The following ERC1 variants were observed in gnomAD, a reference collection of about 807,000 sequenced individuals.
ERC1 encodes the protein ELKS/RAB6-interacting/CAST family member 1.
A neutral mutation model predicts 132.0 loss-of-function variants in ERC1; 56 were observed. The observed-to-expected ratio is 0.42, with a 90% confidence interval of 0.34 to 0.53. The LOEUF is 0.53. Among genes scored for constraint, ERC1 ranks in the 20% least tolerant of loss-of-function variants. The pLI is 0.03. For synonymous variants in ERC1, 478 were observed against 476.1 expected, an observed-to-expected ratio of 1.00 and a Z score of -0.05; for missense variants, 1,202 against 1,349.9, an observed-to-expected ratio of 0.89 and a Z score of 1.72.
In ERC1 at chr12:1,077,800, T is replaced by C. The variant is rs139097788; in HGVS notation, c.670-5364T>C. ...ATGCCCATTTTATCTTCTGTATGAA[T>C]ATGCTGGAGAAAGAGTAGCCTTGCT... On this transcript the variant is annotated intron_variant, in intron 2 of 18. Transcript: ENST00000360905. Among the ~76,000 whole-genome samples the C allele has an allele frequency of 6.2e-3, 944 of 152,300 alleles. 11 individuals carry two copies. The highest frequency in any genetic ancestry group is 0.021 in the African/African-American group (870 of 41,586).
intron 18 of ERC1, among the ~76,000 whole-genome samples, chr12:1,452,504 G>A (rs1408344738): frequency 6.6e-6 from 1 of 152,046 alleles, no homozygotes; most frequent in East Asian, 1.9e-4. Flanking sequence ...GAAAATTCTT[G>A]GCCATTATCT....
intron 7 of ERC1, among the ~76,000 whole-genome samples, chr12:1,127,758 A>G (rs1481326055): frequency 1.3e-5 from 2 of 152,214 alleles, no homozygotes. Context: ...ACATATTAGA[A>G]TAGCTGCATA....
intron 13 of ERC1, among the ~76,000 whole-genome samples, chr12:1,242,954 G>A (rs971318230): frequency 1.8e-4 from 28 of 152,178 alleles, no homozygotes; most frequent in Admixed American, 5.9e-4. Context: ...TTGGGAGGCC[G>A]AGGCGGGTGG....
At chr12:1,264,759 A>G (rs762526969) in intron 14 of ERC1, among the ~76,000 whole-genome samples, 2 of 152,194 alleles carry the variant, frequency 1.3e-5, no homozygotes, top group African/African-American at 2.4e-5. Context: ...TTGTGGGAGA[A>G]ATATAAATGT....
intron 15 of ERC1, among the ~76,000 whole-genome samples, chr12:1,340,546 A>C (rs1343521268): frequency 6.6e-6 from 1 of 152,120 alleles, no homozygotes; most frequent in Admixed American, 6.5e-5. Context: ...TCGTGAGTAC[A>C]ACTCGCTCAT....
chr12:1,121,673 C>CTGTG (rs1376986897), intron 7 of ERC1, among the ~76,000 whole-genome samples: 2 of 12,020 alleles, frequency 1.7e-4, no homozygotes, highest in African/African-American at 3.4e-4. Context: ...CTATCTCTAT[C>CTGTG]TCTATCTATC....
At chr12:1,321,035 T>TA (rs1168881505) in intron 15 of ERC1, among the ~76,000 whole-genome samples, 1 of 152,218 alleles carries the variant, frequency 6.6e-6, no homozygotes, top group Non-Finnish European at 1.5e-5. Flanking sequence ...AAGGAAGATG[T>TA]AAAACAGTAT....
At chr12:1,277,779 T>A (rs993693422) in intron 14 of ERC1, among the ~76,000 whole-genome samples, 1 of 152,214 alleles carries the variant, frequency 6.6e-6, no homozygotes, top group Non-Finnish European at 1.5e-5. Context: ...GATACTGTTG[T>A]TCAAAGATAC....
upstream of ERC1, chr12:990,310 T>G (rs562527494): frequency 2.6e-5 from 4 of 152,060 alleles, 1 homozygote; most frequent in South Asian, 8.3e-4. Context: ...AGATAGCTTA[T>G]CTACATCCTT....
intron 12 of ERC1, among the ~76,000 whole-genome samples, chr12:1,220,343 C>T (rs1008688062): frequency 6.6e-6 from 1 of 151,962 alleles, no homozygotes; most frequent in Non-Finnish European, 1.5e-5. Context: ...CTTTTTTCTT[C>T]CTTAGCTGTA....
chr12:1,491,278 C>T lies in ERC1; in HGVS notation c.*1048C>T. 4.3e-6 allele frequency: 1 copy of T among 231,306 alleles called. No individual in the cohort carries two copies. Among genetic ancestry groups the T allele is most frequent in the Non-Finnish European group, 8.6e-6 (1 of 116,774 alleles). 14.3% of individuals were successfully genotyped at this position (231,306 alleles called of 1,614,324 possible). A position where few individuals can be genotyped will look rare whatever the true frequency, so the allele number is the denominator to read the frequency against. On this transcript the variant is annotated 3_prime_UTR_variant, in exon 19 of 19. Coordinates refer to ENST00000360905, the MANE Select transcript of ERC1 (RefSeq NM_178040.4). ...TGCTGAAGTTGTGATCCCTCACTCA[C>T]CCTGCTAGCTTTGCCCTTGACTCGT...
rs1285181667 is a variant in ERC1 at position 1,044,862 on chromosome 12, A to G, written c.669+16290A>G. Among the ~76,000 whole-genome samples, 5 of 152,164 alleles carry G rather than the reference A, an allele frequency of 3.3e-5. No homozygotes were observed. In the East Asian group the frequency reaches 7.7e-4, roughly 23 times the overall value. On this transcript the variant is annotated intron_variant, in intron 2 of 18. Transcript: ENST00000360905. The stretch of plus-strand genomic sequence containing the variant: ...AGAGTAATTAGCTCTCAGGATTTTC[A>G]GTTACAGTCATATTCATTATTTAAC...
chr12:1,026,629 A>G (rs776610287), intron 1 of ERC1, among the ~76,000 whole-genome samples: 1 of 152,228 alleles, frequency 6.6e-6, no homozygotes, highest in African/African-American at 2.4e-5. Flanking sequence ...AATGAAATAT[A>G]TGAAGTCACA....
intron 13 of ERC1, among the ~76,000 whole-genome samples, chr12:1,243,235 T>C (rs570361105): frequency 6.6e-6 from 1 of 151,838 alleles, no homozygotes; most frequent in East Asian, 1.9e-4. Context: ...CGAGAGATGA[T>C]TTAAAATATA....
chr12:1,034,839 A>C (rs1312932555), intron 2 of ERC1, among the ~76,000 whole-genome samples: 1 of 152,242 alleles, frequency 6.6e-6, no homozygotes, highest in East Asian at 1.9e-4. Flanking sequence ...ATTCAAAGAC[A>C]AAATATTTGA....
At chr12:1,315,816 A>T (rs1051499867) in intron 15 of ERC1, among the ~76,000 whole-genome samples, 1 of 152,236 alleles carries the variant, frequency 6.6e-6, no homozygotes, top group Non-Finnish European at 1.5e-5. Context: ...GAAGTGAATC[A>T]TGGGTGTTTC....
At chr12:1,037,845 G>A (rs1969377644) in intron 2 of ERC1, among the ~76,000 whole-genome samples, 1 of 151,888 alleles carries the variant, frequency 6.6e-6, no homozygotes, top group Non-Finnish European at 1.5e-5. Context: ...GAGATCCAGA[G>A]CATCCTGGCT....
At chr12:1,487,759 AGGAG>A (rs199534627) in intron 18 of ERC1, among the ~76,000 whole-genome samples, 7,307 of 91,628 alleles carry the variant, frequency 0.08, 606 homozygotes, top group African/African-American at 0.21. Context: ...GTAGGAGGCA[AGGAG>A]GGAGGGAGGG....
intron 16 of ERC1, among the ~76,000 whole-genome samples, chr12:1,388,297 C>T (rs1272991526): frequency 2.8e-5 from 4 of 144,948 alleles, no homozygotes; most frequent in African/African-American, 1.0e-4. Context: ...TTGCAGTGAA[C>T]TGAGATTGCG....
Sources: gnomAD v4.1 joint callset for allele counts (sites outside exome capture counted in the v4.1 genomes callset) on GRCh38, gnomAD v4.1.1 for gene constraint, MANE v1.5 for transcripts, NCBI Gene and HGNC (gene_info 2026-07-23, HGNC 2026-07-21) for gene names.